KIAA1217: variants seen among roughly 807,000 people sequenced by gnomAD.
KIAA1217 encodes the protein sickle tail protein homolog.
KIAA1217 carries 88 observed loss-of-function variants against 163.9 expected under a neutral mutation model. The ratio of observed to expected loss-of-function variants is 0.54; its 90% CI spans 0.45 to 0.64. The LOEUF (loss-of-function observed/expected upper bound fraction) is 0.64, where lower values mean the gene tolerates loss of function less well. KIAA1217 is among the 30% of genes least tolerant of loss of function. KIAA1217 has a pLI of 0.00. For synonymous variants in KIAA1217, 903 were observed against 923.1 expected (o/e 0.98, Z 0.39); for missense variants, 2,372 against 2,475.0 (o/e 0.96, Z 0.88).
At chr10:23,983,916 C>A (rs956155781) in intron 1 of KIAA1217, among the ~76,000 whole-genome samples, 6 of 152,140 alleles carry the variant, frequency 3.9e-5, no homozygotes, top group African/African-American at 1.4e-4. Flanking sequence ...TGCTTATGCC[C>A]AATGCCCACA....
At chr10:24,455,448 C>T (rs373737075) in intron 5 of KIAA1217, among the ~76,000 whole-genome samples, 6 of 152,142 alleles carry the variant, frequency 3.9e-5, no homozygotes, top group African/African-American at 9.7e-5. Context: ...ATTAATTTTG[C>T]GCATTATTAC....
chr10:24,049,879 C>T (rs768788065), intron 2 of KIAA1217, among the ~76,000 whole-genome samples: 16 of 152,168 alleles, frequency 1.1e-4, no homozygotes, highest in Non-Finnish European at 1.8e-4. Context: ...TGAGGAATCG[C>T]CACACTGTCT....
At chr10:23,922,426 G>T (rs998930227) in intron 1 of KIAA1217, among the ~76,000 whole-genome samples, 11 of 152,148 alleles carry the variant, frequency 7.2e-5, no homozygotes, top group African/African-American at 2.7e-4. Flanking sequence ...CCTGAGAAGG[G>T]GGTTATGGGA....
intron 2 of KIAA1217, among the ~76,000 whole-genome samples, chr10:24,354,869 C>T (rs1347015775): frequency 6.7e-6 from 1 of 149,230 alleles, no homozygotes; most frequent in Admixed American, 6.7e-5. Context: ...CAGGAATGCC[C>T]GTTCCCATTT....
At chr10:23,860,379 T>C (rs1046164380) in intron 1 of KIAA1217, among the ~76,000 whole-genome samples, 2 of 147,582 alleles carry the variant, frequency 1.4e-5, no homozygotes, top group African/African-American at 5.4e-5. Flanking sequence ...CCATTTCACT[T>C]TGGTCTTCTG....
chr10:24,184,166 A>G (rs1161184682), intron 2 of KIAA1217, among the ~76,000 whole-genome samples: 2 of 152,224 alleles, frequency 1.3e-5, no homozygotes, highest in South Asian at 2.1e-4. Context: ...CTGTTTTTAA[A>G]GCTCAAGCTT....
intron 2 of KIAA1217, among the ~76,000 whole-genome samples, chr10:24,082,334 T>C (rs2061563773): frequency 6.6e-6 from 1 of 152,142 alleles, no homozygotes. Context: ...GCTGCACCTA[T>C]CAACCCATCA....
intron 1 of KIAA1217, among the ~76,000 whole-genome samples, chr10:23,840,274 G>T (rs778617034): frequency 6.6e-6 from 1 of 151,892 alleles, no homozygotes; most frequent in South Asian, 2.1e-4. Flanking sequence ...TTCTGCCTCA[G>T]CCTCCCGAGT....
chr10:24,520,689 A>ACACACACACACACAC (rs763777354), intron 11 of KIAA1217, among the ~76,000 whole-genome samples: 32 of 103,126 alleles, frequency 3.1e-4, no homozygotes, highest in African/African-American at 8.2e-4. Context: ...CACACACACA[A>ACACACACACACACAC]AAAAAAATTA....
intron 1 of KIAA1217, among the ~76,000 whole-genome samples, chr10:23,980,897 G>A (rs897673611): frequency 4.6e-5 from 7 of 152,072 alleles, no homozygotes; most frequent in African/African-American, 1.7e-4. Context: ...TGCCTTTTGG[G>A]TCTTGAAATA....
At position 24,438,462 on chromosome 10, in the gene KIAA1217, A is replaced by C; in HGVS notation, c.829A>C (p.Met277Leu). 6.2e-7 allele frequency: 1 copy of C among 1,609,616 alleles called. No homozygotes were observed. The highest frequency in any genetic ancestry group is 8.5e-7 in the Non-Finnish European group (1 of 1,175,850). ...AHAFNHTPKTMNGDMRMQREL... is the reference protein window; with the variant it reads ...AHAFNHTPKTLNGDMRMQREL... ...TGCGTTTAATCACACACCAAAAACT[A>C]TGAATGGAGACATGAGGGTAAGTGT... The change falls in exon 5 of 21, where the codon ATG becomes CTG. Residue 277 changes from methionine to leucine, a missense_variant. This residue lies in a region of KIAA1217 where 1,431 missense variants were observed against 1,470.3 expected (regional missense o/e 0.97). Transcript: ENST00000376454.
intron 3 of KIAA1217, among the ~76,000 whole-genome samples, chr10:24,381,667 C>A (rs999201941): frequency 1.4e-4 from 21 of 151,890 alleles, no homozygotes; most frequent in Non-Finnish European, 2.8e-4. Context: ...TCCCTGGTGC[C>A]AAAAAAAATT....
intron 9 of KIAA1217, among the ~76,000 whole-genome samples, chr10:24,503,856 A>C (rs1276879232): frequency 1.3e-5 from 2 of 152,048 alleles, no homozygotes; most frequent in Non-Finnish European, 2.9e-5. Flanking sequence ...CGAAATTGTT[A>C]CCTCCTCATT....
intron 2 of KIAA1217, among the ~76,000 whole-genome samples, chr10:24,345,483 A>G (rs961312217): frequency 6.6e-6 from 1 of 152,244 alleles, no homozygotes; most frequent in South Asian, 2.1e-4. Context: ...TCAAAACATT[A>G]TGGAAACACT....
intron 3 of KIAA1217, among the ~76,000 whole-genome samples, chr10:24,410,045 G>A (rs1327009264): frequency 7.6e-6 from 1 of 131,934 alleles, no homozygotes; most frequent in Admixed American, 8.6e-5. Flanking sequence ...CGCCCAGGCT[G>A]AAGTACAGTG....
chr10:24,497,181 C>T (rs555867618), intron 8 of KIAA1217, among the ~76,000 whole-genome samples: 183 of 152,210 alleles, frequency 1.2e-3, no homozygotes, highest in Non-Finnish European at 2.3e-3. Context: ...GACAAGTAAA[C>T]GGAATTATAT....
At chr10:24,311,005 A>G (rs886342865) in intron 2 of KIAA1217, among the ~76,000 whole-genome samples, 8 of 152,190 alleles carry the variant, frequency 5.3e-5, no homozygotes, top group Non-Finnish European at 1.0e-4. Context: ...CTCAAACAAA[A>G]CAAAACAAAG....
intron 2 of KIAA1217, among the ~76,000 whole-genome samples, chr10:24,070,711 G>A (rs1479752934): frequency 6.6e-6 from 1 of 152,168 alleles, no homozygotes; most frequent in Non-Finnish European, 1.5e-5. Context: ...AATATTAGTG[G>A]TAATTTGTTC....
chr10:24,545,255 C>T, intron 20 of KIAA1217, 152 bp downstream of exon 20: 6 of 1,427,446 alleles, frequency 4.2e-6, no homozygotes, highest in Non-Finnish European at 5.5e-6. Flanking sequence ...CTAAATAAAC[C>T]TTTGTTACAC....
Sources: allele counts gnomAD v4.1 joint callset (sites outside exome capture counted in the v4.1 genomes callset), GRCh38; gene constraint gnomAD v4.1.1; regional missense constraint gnomAD v4.1.1; transcripts MANE v1.5; gene names NCBI Gene and HGNC (gene_info 2026-07-23, HGNC 2026-07-21).